The following TTC28 variants were observed in gnomAD, a reference collection of about 807,000 sequenced individuals.
TTC28 encodes tetratricopeptide repeat protein 28.
A neutral mutation model predicts 198.0 loss-of-function variants in TTC28; 61 were observed. The observed-to-expected ratio is 0.31, with a 90% confidence interval of 0.25 to 0.38. The LOEUF (loss-of-function observed/expected upper bound fraction) is 0.38, where lower values mean the gene tolerates loss of function less well. Ranked by LOEUF, TTC28 falls within the 10% of genes least tolerant of loss-of-function variation. TTC28 has a pLI of 1.00. For synonymous variants in TTC28, 1,171 were observed against 1,297.8 expected, an observed-to-expected ratio of 0.90 and a Z score of 2.10; for missense variants, 2,678 against 3,164.0, an observed-to-expected ratio of 0.85 and a Z score of 3.69.
intron 2 of TTC28, among the ~76,000 whole-genome samples, chr22:28,573,681 CCTTT>C (rs1444997013): frequency 6.6e-6 from 1 of 152,018 alleles, no homozygotes; most frequent in Admixed American, 6.6e-5. Flanking sequence ...AAGCATGTAT[CCTTT>C]CTTTGTGTTA....
intron 2 of TTC28, among the ~76,000 whole-genome samples, chr22:28,520,626 C>T (rs2048885911): frequency 6.6e-6 from 1 of 152,158 alleles, no homozygotes; most frequent in Non-Finnish European, 1.5e-5. Flanking sequence ...GGCATGGTGG[C>T]ATGTGCCTGT....
intron 2 of TTC28, among the ~76,000 whole-genome samples, chr22:28,406,886 A>G (rs2047005096): frequency 6.6e-6 from 1 of 152,176 alleles, no homozygotes; most frequent in South Asian, 2.1e-4. Flanking sequence ...AAAGCTTTAA[A>G]ATTTTGGAAA....
At chr22:28,265,122 C>T (rs1931597815) in intron 5 of TTC28, among the ~76,000 whole-genome samples, 1 of 152,140 alleles carries the variant, frequency 6.6e-6, no homozygotes, top group Non-Finnish European at 1.5e-5. Flanking sequence ...AAATGACATA[C>T]ATTTATGAAT....
At chr22:28,387,955 T>A (rs555999153) in intron 2 of TTC28, among the ~76,000 whole-genome samples, 1 of 152,210 alleles carries the variant, frequency 6.6e-6, no homozygotes, top group South Asian at 2.1e-4. Flanking sequence ...CTAGGTTTTC[T>A]TCTAGGGTTT....
intron 1 of TTC28, among the ~76,000 whole-genome samples, chr22:28,678,829 C>T (rs1452367211): frequency 6.6e-6 from 1 of 152,192 alleles, no homozygotes; most frequent in Non-Finnish European, 1.5e-5. Flanking sequence ...AGGAAGCCTA[C>T]TCTCTAAAAC....
intron 5 of TTC28, among the ~76,000 whole-genome samples, chr22:28,228,292 G>C (rs1410300813): frequency 2.0e-5 from 3 of 152,196 alleles, no homozygotes; most frequent in Non-Finnish European, 4.4e-5. Flanking sequence ...ATGGATGGTG[G>C]TAGTAGTTGC....
At chr22:28,604,812 T>C (rs532977096) in intron 2 of TTC28, among the ~76,000 whole-genome samples, 3 of 152,092 alleles carry the variant, frequency 2.0e-5, no homozygotes, top group Admixed American at 1.3e-4. Flanking sequence ...ACAAGACTAG[T>C]AGAAACCTTT....
intron 5 of TTC28, among the ~76,000 whole-genome samples, chr22:28,273,581 A>G (rs1196928834): frequency 6.6e-6 from 1 of 152,186 alleles, no homozygotes; most frequent in African/African-American, 2.4e-5. Context: ...AGGATAAAAA[A>G]TCCGGTACAA....
intron 6 of TTC28, among the ~76,000 whole-genome samples, chr22:28,151,320 T>C (rs1258501952): frequency 6.6e-6 from 1 of 152,200 alleles, no homozygotes; most frequent in African/African-American, 2.4e-5. Context: ...AAACATAAGC[T>C]AATTTACTGC....
chr22:28,535,499 TATAG>T (rs1004215558), intron 2 of TTC28, among the ~76,000 whole-genome samples: 17 of 152,246 alleles, frequency 1.1e-4, no homozygotes, highest in African/African-American at 3.6e-4. Context: ...TTAATGTTTT[TATAG>T]ATAGATAAAG....
intron 2 of TTC28, among the ~76,000 whole-genome samples, chr22:28,413,573 T>G (rs2047120739): frequency 6.6e-6 from 1 of 152,196 alleles, no homozygotes; most frequent in Non-Finnish European, 1.5e-5. Flanking sequence ...AGAGGCAGCT[T>G]GGAAGGCAGC....
intron 5 of TTC28, among the ~76,000 whole-genome samples, chr22:28,197,398 C>T (rs1925474915): frequency 1.3e-5 from 2 of 151,736 alleles, no homozygotes; most frequent in South Asian, 2.1e-4. Flanking sequence ...GCGTGTTGTG[C>T]ACATGTACCC....
chr22:28,601,189 TATGCAAATCTATATCA>T lies in TTC28; in HGVS notation c.381+28347_381+28362del, dbSNP rs1282205709. Among the ~76,000 whole-genome samples, 14 of 152,320 alleles carry T rather than the reference TATGCAAATCTATATCA, an allele frequency of 9.2e-5. No homozygotes were observed. The East Asian group carries it at 2.7e-3, about 29-fold the overall frequency. On this transcript the variant is annotated intron_variant, in intron 2 of 22. Transcript: ENST00000397906. The stretch of plus-strand genomic sequence containing the variant: ...AATAGATCTATAATTTTTAGAAATT[TATGCAAATCTATATCA>T]GCTGTTTAATTCTTGAACAGTGAAT...
chr22:28,188,447 T>C (rs1924408374), intron 5 of TTC28, among the ~76,000 whole-genome samples: 1 of 152,048 alleles, frequency 6.6e-6, no homozygotes, highest in African/African-American at 2.4e-5. Flanking sequence ...GCTTCTGAAG[T>C]TCAGGGGAAG....
intron 12 of TTC28, among the ~76,000 whole-genome samples, chr22:28,033,939 A>C (rs990400131): frequency 1.3e-5 from 2 of 152,242 alleles, no homozygotes; most frequent in Admixed American, 6.5e-5. Context: ...CATGAAAAAT[A>C]AATTATTACA....
At chr22:28,180,844 T>C (rs138892220) in intron 5 of TTC28, among the ~76,000 whole-genome samples, 44 of 152,350 alleles carry the variant, frequency 2.9e-4, no homozygotes, top group African/African-American at 1.0e-3. Context: ...TACATGGTCT[T>C]TAATGGTCTT....
chr22:28,590,275 C>T (rs1013064712), intron 2 of TTC28, among the ~76,000 whole-genome samples: 1 of 151,504 alleles, frequency 6.6e-6, no homozygotes, highest in Admixed American at 6.6e-5. Flanking sequence ...CTACAGGCGC[C>T]CACCACCACA....
At position 28,358,401 on chromosome 22, in the gene TTC28, A is replaced by C. The variant is rs58813524; in HGVS notation, c.382-51758T>G. ...TTATCCATCTCGAGGTAGAAAAGCCATAATTTAAACTGACAGCATTACTTG... is the reference window on the plus strand; with the variant it reads ...TTATCCATCTCGAGGTAGAAAAGCCCTAATTTAAACTGACAGCATTACTTG... On this transcript the variant is annotated intron_variant, in intron 2 of 22. Coordinates refer to ENST00000397906, the MANE Select transcript of TTC28 (RefSeq NM_001145418.2). 8.9e-4 allele frequency among the ~76,000 whole-genome samples: 135 copies of C among 152,344 alleles called. 2 individuals are homozygous for C. The East Asian group carries it at 0.024, about 27-fold the overall frequency.
intron 7 of TTC28, among the ~76,000 whole-genome samples, chr22:28,106,241 CCACT>C (rs1942298538): frequency 6.6e-6 from 1 of 152,188 alleles, no homozygotes; most frequent in African/African-American, 2.4e-5. Flanking sequence ...TGCCCTTCCT[CCACT>C]CCAGGAGCCC....
Sources: gnomAD v4.1 joint callset for allele counts (sites outside exome capture counted in the v4.1 genomes callset) on GRCh38, gnomAD v4.1.1 for gene constraint, MANE v1.5 for transcripts, NCBI Gene and HGNC (gene_info 2026-07-23, HGNC 2026-07-21) for gene names.